Variants in KAZN observed in about 807,000 individuals in gnomAD.
KAZN encodes the protein kazrin.
KAZN carries 40 observed loss-of-function variants against 87.4 expected under a neutral mutation model. That is an observed-to-expected ratio of 0.46 (90% CI 0.36 to 0.60). The LOEUF (loss-of-function observed/expected upper bound fraction) is 0.60, where lower values mean the gene tolerates loss of function less well. KAZN is among the 20% of genes least tolerant of loss of function. The pLI, the probability that KAZN is intolerant of heterozygous loss-of-function variation, is 0.00. For synonymous variants in KAZN, 466 were observed against 458.3 expected (o/e 1.02, Z -0.22); for missense variants, 898 against 1,073.9 (o/e 0.84, Z 2.29).
intron 1 of KAZN, among the ~76,000 whole-genome samples, chr1:14,683,688 C>T (rs950164260): frequency 6.6e-6 from 1 of 152,216 alleles, no homozygotes; most frequent in Non-Finnish European, 1.5e-5. Flanking sequence ...CCCAGCCCCC[C>T]TATCTGGTAC....
At chr1:13,893,741 C>A (rs1281920352) in exon 1 of KAZN, 2 of 1,550,364 alleles carry the variant, frequency 1.3e-6, no homozygotes, top group African/African-American at 2.7e-5. Flanking sequence ...TCAGCAGTGC[C>A]AACTTATGCA....
At chr1:14,350,590 C>G (rs1658461958) in intron 2 of KAZN, among the ~76,000 whole-genome samples, 1 of 152,190 alleles carries the variant, frequency 6.6e-6, no homozygotes, top group Non-Finnish European at 1.5e-5. Context: ...AAGAAGAGTT[C>G]AGGAATGCTG....
At chr1:14,591,185 G>A (rs1483511789) in intron 2 of KAZN, among the ~76,000 whole-genome samples, 1 of 151,960 alleles carries the variant, frequency 6.6e-6, no homozygotes, top group Admixed American at 6.6e-5. Context: ...CCCCCCCATG[G>A]ACACAGCCAC....
intron 4 of KAZN, among the ~76,000 whole-genome samples, chr1:15,044,718 C>A (rs114435544): frequency 6.7e-6 from 1 of 148,228 alleles, no homozygotes; most frequent in Non-Finnish European, 1.5e-5. Context: ...GACAGTGAGA[C>A]CCTGTCTCAA....
intron 1 of KAZN, among the ~76,000 whole-genome samples, chr1:14,884,651 T>C (rs950210851): frequency 6.6e-6 from 1 of 152,214 alleles, no homozygotes; most frequent in Non-Finnish European, 1.5e-5. Context: ...GGAAATCACA[T>C]GAGGAGCTTG....
chr1:14,839,957 G>T (rs76297032), intron 1 of KAZN, among the ~76,000 whole-genome samples: 4,600 of 152,164 alleles, frequency 0.03, 86 homozygotes, highest in Middle Eastern at 0.054. Flanking sequence ...TCTCTGTCCT[G>T]CCTTCTGTCC....
rs530223657 is a variant in KAZN, at chr1:14,930,590, C to T, written c.227-30094C>T. Among the ~76,000 whole-genome samples the T allele has an allele frequency of 3.3e-5, 5 of 152,330 alleles. No individual in the cohort carries two copies. The South Asian group carries it at 1.0e-3, about 32-fold the overall frequency. On this transcript the variant is annotated intron_variant, in intron 1 of 14. Transcript: ENST00000376030. ...ATGTGTTCCTTTTGATCCCCCTCTT[C>T]CTGTCAGGCAGCTGCCATTCTCCCC...
At chr1:14,839,972 C>T (rs1647754388) in intron 1 of KAZN, among the ~76,000 whole-genome samples, 1 of 152,102 alleles carries the variant, frequency 6.6e-6, no homozygotes, top group South Asian at 2.1e-4. Context: ...CTGTCCTCTC[C>T]AGTACCTTGC....
chr1:14,163,480 C>T (rs1215716462), intron 1 of KAZN, among the ~76,000 whole-genome samples: 3 of 152,156 alleles, frequency 2.0e-5, no homozygotes, highest in African/African-American at 4.8e-5. Flanking sequence ...TTTCCCTTAC[C>T]GGTCAAGTGT....
chr1:14,872,373 C>G (rs1412495207), intron 1 of KAZN, among the ~76,000 whole-genome samples: 1 of 152,192 alleles, frequency 6.6e-6, no homozygotes, highest in East Asian at 1.9e-4. Flanking sequence ...GACTAAGGAA[C>G]TGAATTTTTT....
chr1:14,674,879 T>C (rs1640122972), intron 1 of KAZN, among the ~76,000 whole-genome samples: 1 of 152,132 alleles, frequency 6.6e-6, no homozygotes, highest in Non-Finnish European at 1.5e-5. Context: ...TGCGAACTCC[T>C]GGGTTAAAGC....
intron 2 of KAZN, among the ~76,000 whole-genome samples, chr1:14,260,589 A>C (rs1650937010): frequency 6.6e-6 from 1 of 152,162 alleles, no homozygotes; most frequent in South Asian, 2.1e-4. Context: ...CACCTGAAAG[A>C]CAGCCTGAGC....
chr1:13,943,433 C>T (rs1420874093), intron 1 of KAZN, among the ~76,000 whole-genome samples: 3 of 151,968 alleles, frequency 2.0e-5, no homozygotes, highest in African/African-American at 7.3e-5. Context: ...AGCAAGACCC[C>T]ATCTCTATGT....
intron 1 of KAZN, among the ~76,000 whole-genome samples, chr1:13,933,938 T>A (rs1640624559): frequency 6.6e-6 from 1 of 152,170 alleles, no homozygotes; most frequent in Non-Finnish European, 1.5e-5. Flanking sequence ...GATGAATTCT[T>A]AAAGAAGACC....
intron 1 of KAZN, among the ~76,000 whole-genome samples, chr1:14,755,710 C>T (rs991616937): frequency 1.3e-5 from 2 of 152,146 alleles, no homozygotes; most frequent in Admixed American, 6.5e-5. Context: ...CCCTCTGTGC[C>T]CAGGGCTCCA....
intron 1 of KAZN, among the ~76,000 whole-genome samples, chr1:14,153,345 C>G (rs778627883): frequency 5.3e-5 from 8 of 152,112 alleles, no homozygotes; most frequent in Non-Finnish European, 5.9e-5. Flanking sequence ...AGATTTAAGT[C>G]TTTAATCATT....
At chr1:14,478,465 T>C (rs1461418720) in intron 2 of KAZN, among the ~76,000 whole-genome samples, 1 of 152,126 alleles carries the variant, frequency 6.6e-6, no homozygotes, top group Non-Finnish European at 1.5e-5. Flanking sequence ...ATTGGATGAA[T>C]GAAAAATCAC....
At chr1:14,736,720 T>A (rs1449382910) in intron 1 of KAZN, among the ~76,000 whole-genome samples, 1 of 151,982 alleles carries the variant, frequency 6.6e-6, no homozygotes, top group African/African-American at 2.4e-5. Context: ...AAAGAAGAAA[T>A]CATTGTTCAG....
chr1:14,265,762 G>A (rs1297607487), intron 2 of KAZN, among the ~76,000 whole-genome samples: 1 of 152,184 alleles, frequency 6.6e-6, no homozygotes, highest in Admixed American at 6.5e-5. Flanking sequence ...GGCAAAAACA[G>A]GTCCAGAACT....
Sources: allele counts gnomAD v4.1 joint callset (sites outside exome capture counted in the v4.1 genomes callset), GRCh38; gene constraint gnomAD v4.1.1; transcripts MANE v1.5; gene names NCBI Gene and HGNC (gene_info 2026-07-23, HGNC 2026-07-21).